Variants in SEMA6D observed in about 807,000 individuals in gnomAD.
SEMA6D encodes semaphorin-6D.
SEMA6D carries 35 observed loss-of-function variants against 106.6 expected under a neutral mutation model. The observed-to-expected ratio is 0.33, with a 90% confidence interval of 0.25 to 0.44. The LOEUF (loss-of-function observed/expected upper bound fraction) is 0.44, where lower values mean the gene tolerates loss of function less well. SEMA6D is among the 20% of genes least tolerant of loss of function. The pLI is 1.00. For missense variants in SEMA6D, 1,185 were observed against 1,345.9 expected (o/e 0.88, Z 1.87); for synonymous variants, 499 against 487.7 (o/e 1.02, Z -0.31).
At chr15:47,553,330 A>G (rs770009717) in intron 3 of SEMA6D, among the ~76,000 whole-genome samples, 6 of 152,122 alleles carry the variant, frequency 3.9e-5, no homozygotes, top group Non-Finnish European at 8.8e-5. Flanking sequence ...TTTTTACTTT[A>G]TCACATAATT....
chr15:47,460,747 T>C (rs2042482665), intron 2 of SEMA6D, among the ~76,000 whole-genome samples: 1 of 152,084 alleles, frequency 6.6e-6, no homozygotes, highest in Non-Finnish European at 1.5e-5. Flanking sequence ...TCAAACTGGG[T>C]GAACAAACAA....
chr15:47,246,650 C>G (rs893858534), intron 1 of SEMA6D, among the ~76,000 whole-genome samples: 2 of 152,204 alleles, frequency 1.3e-5, no homozygotes, highest in Non-Finnish European at 2.9e-5. Flanking sequence ...CATTGCGTCT[C>G]TTTCTCTGAC....
intron 1 of SEMA6D, among the ~76,000 whole-genome samples, chr15:47,351,995 A>G (rs1226061820): frequency 6.6e-6 from 1 of 152,208 alleles, no homozygotes; most frequent in African/African-American, 2.4e-5. Flanking sequence ...TAGATCTGAA[A>G]ATAAATAAGA....
chr15:47,238,206 T>C (rs899821559), intron 1 of SEMA6D, among the ~76,000 whole-genome samples: 1 of 152,136 alleles, frequency 6.6e-6, no homozygotes, highest in South Asian at 2.1e-4. Flanking sequence ...TTATTTTGCT[T>C]TCAGGGACAC....
At chr15:47,546,695 G>A (rs2045531454) in intron 3 of SEMA6D, among the ~76,000 whole-genome samples, 1 of 151,466 alleles carries the variant, frequency 6.6e-6, no homozygotes, top group African/African-American at 2.4e-5. Flanking sequence ...CCATGAAGGA[G>A]AAACCCACCA....
In SEMA6D at chr15:47,702,502, C is replaced by A. The variant is rs113344041; in HGVS notation, c.-54-57243C>A. On this transcript the variant is annotated intron_variant, in intron 4 of 19. Transcript: ENST00000558014. ...AACATATGCTTACCATACAATCCAA[C>A]AATCGCACATTTTAGTATTTACCCA... is the stretch of plus-strand genomic sequence containing the variant. Among the ~76,000 whole-genome samples, 1,182 of 152,308 alleles carry A rather than the reference C, an allele frequency of 7.8e-3. 7 individuals are homozygous for A. Among genetic ancestry groups the A allele is most frequent in the Non-Finnish European group, 0.014 (924 of 68,014 alleles).
At chr15:47,339,403 G>T (rs1012191614) in intron 1 of SEMA6D, among the ~76,000 whole-genome samples, 2 of 152,140 alleles carry the variant, frequency 1.3e-5, no homozygotes, top group African/African-American at 4.8e-5. Context: ...GGTAGTGTTG[G>T]AATTGAATTC....
chr15:47,415,639 T>A (rs997776883), intron 2 of SEMA6D, among the ~76,000 whole-genome samples: 1 of 152,140 alleles, frequency 6.6e-6, no homozygotes, highest in Non-Finnish European at 1.5e-5. Flanking sequence ...CTTTAAGTGT[T>A]TGATCTGTAA....
chr15:47,304,628 CATTTAAACT>C (rs2036165083), intron 1 of SEMA6D, among the ~76,000 whole-genome samples: 1 of 152,074 alleles, frequency 6.6e-6, no homozygotes, highest in African/African-American at 2.4e-5. Flanking sequence ...TTCCAAATTT[CATTTAAACT>C]GTTGCTACAC....
Position 47,717,684 on chromosome 15 carries a change from C to G in SEMA6D, c.-63C>G. On this transcript the variant is annotated 5_prime_UTR_variant, in exon 1 of 19. Coordinates refer to ENST00000536845, the MANE Select transcript of SEMA6D (RefSeq NM_001358351.3). ...TTTTCTTTTTTCTTACCAGCCTCCC[C>G]CCAATGAGGTAAGACCGTTTTCAAC... is the stretch of plus-strand genomic sequence containing the variant. 6.6e-6 allele frequency: 1 copy of G among 151,914 alleles called. No individual in the cohort carries two copies. The highest frequency in any genetic ancestry group is 2.4e-5 in the African/African-American group (1 of 41,252). 9.4% of individuals were successfully genotyped at this position (151,914 alleles called of 1,614,324 possible).
At chr15:47,204,690 C>G (rs921151984) in intron 1 of SEMA6D, among the ~76,000 whole-genome samples, 5 of 152,004 alleles carry the variant, frequency 3.3e-5, no homozygotes, top group African/African-American at 1.2e-4. Flanking sequence ...TATAACATCT[C>G]TGATAAATTA....
At chr15:47,766,768 C>G in intron 16 of SEMA6D, 91 bp downstream of exon 16, 6 of 868,392 alleles carry the variant, frequency 6.9e-6, no homozygotes, top group Middle Eastern at 2.2e-4. Flanking sequence ...TTTAATGACT[C>G]AGGACACATA....
chr15:47,671,830 A>T (rs2078143194), intron 4 of SEMA6D, among the ~76,000 whole-genome samples: 1 of 152,108 alleles, frequency 6.6e-6, no homozygotes, highest in South Asian at 2.1e-4. Context: ...AGCAAGAGAG[A>T]AATAATGTGA....
rs568506819 is a variant in SEMA6D, at chr15:47,420,856, G to T, written c.-159+8384G>T. 1.0e-3 allele frequency among the ~76,000 whole-genome samples: 156 copies of T among 152,156 alleles called. No homozygotes were observed. The Middle Eastern group carries it at 0.014, about 13-fold the overall frequency. On this transcript the variant is annotated intron_variant, in intron 2 of 19. Transcript: ENST00000558014. ...TAATTTTCTGTTTGTGACCTTAGGG[G>T]CAGCTATTCAGTTCTCTAGAACAAA...
chr15:47,477,704 G>A (rs2043040742), intron 3 of SEMA6D, among the ~76,000 whole-genome samples: 1 of 151,936 alleles, frequency 6.6e-6, no homozygotes. Context: ...GTGACACAGT[G>A]AGAAGTATTT....
chr15:47,191,244 G>A (rs1478467210), intron 1 of SEMA6D, among the ~76,000 whole-genome samples: 1 of 151,592 alleles, frequency 6.6e-6, no homozygotes, highest in Non-Finnish European at 1.5e-5. Context: ...GTGTTTTATA[G>A]TTTATATTGA....
intron 1 of SEMA6D, among the ~76,000 whole-genome samples, chr15:47,289,881 G>T (rs1422363587): frequency 6.6e-6 from 1 of 151,676 alleles, no homozygotes; most frequent in Non-Finnish European, 1.5e-5. Flanking sequence ...GCTGGCGGCA[G>T]GCTGATGCTT....
intron 1 of SEMA6D, among the ~76,000 whole-genome samples, chr15:47,223,705 CT>C (rs1186860564): frequency 6.6e-6 from 1 of 151,974 alleles, no homozygotes; most frequent in African/African-American, 2.4e-5. Context: ...TCATCACTAA[CT>C]TTATCATAAA....
intron 4 of SEMA6D, among the ~76,000 whole-genome samples, chr15:47,673,488 A>G (rs2078177998): frequency 6.6e-6 from 1 of 152,178 alleles, no homozygotes; most frequent in Non-Finnish European, 1.5e-5. Context: ...TGCTGCCTAC[A>G]TGCTGCCTAT....
Sources: gnomAD v4.1 joint callset for allele counts (sites outside exome capture counted in the v4.1 genomes callset) on GRCh38, gnomAD v4.1.1 for gene constraint, MANE v1.5 for transcripts, NCBI Gene and HGNC (gene_info 2026-07-23, HGNC 2026-07-21) for gene names.